Variants in VWA3B observed in about 807,000 individuals in gnomAD.
VWA3B encodes von Willebrand factor A domain containing 3B, also known as von Willebrand factor A domain-containing protein 3B.
Under a neutral mutation model 158.3 loss-of-function variants are expected in VWA3B, and 138 were observed. The ratio of observed to expected loss-of-function variants is 0.87; its 90% CI spans 0.76 to 1.00. The LOEUF (loss-of-function observed/expected upper bound fraction) is 1.00. Ranked by LOEUF, VWA3B falls within the 50% of genes least tolerant of loss-of-function variation. The pLI, the probability that VWA3B is intolerant of heterozygous loss-of-function variation, is 0.00. For synonymous variants in VWA3B, 596 were observed against 587.3 expected (o/e 1.01, Z -0.21); for missense variants, 1,555 against 1,565.1 (o/e 0.99, Z 0.11).
At chr2:98,126,385 G>A (rs1050857586) in intron 5 of VWA3B, among the ~76,000 whole-genome samples, 2 of 152,178 alleles carry the variant, frequency 1.3e-5, no homozygotes, top group Non-Finnish European at 2.9e-5. Flanking sequence ...ACCAACCCTA[G>A]AAAATACTCT....
intron 2 of VWA3B, among the ~76,000 whole-genome samples, chr2:98,096,083 T>C (rs1316678637): frequency 6.6e-6 from 1 of 152,220 alleles, no homozygotes; most frequent in Non-Finnish European, 1.5e-5. Flanking sequence ...TAAGTTTTCC[T>C]CTTTTGTTGT....
rs1331719772 is a variant in VWA3B, at chr2:98,121,589, T to C, written c.702+131T>C. ...CCAGCAGGATCCGACAGAGATCCCA[T>C]TGGGCACTGATGGTGATGGCATAGC... On this transcript the variant is annotated intron_variant, in intron 5 of 27. Transcript: ENST00000477737. The C allele has an allele frequency of 4.1e-6, 5 of 1,229,120 alleles. No individual in the cohort carries two copies. The South Asian group carries it at 5.8e-5, about 14-fold the overall frequency. 76.1% of individuals were successfully genotyped at this position (1,229,120 alleles called of 1,614,324 possible).
chr2:98,136,938 G>A (rs1369469156), intron 7 of VWA3B, among the ~76,000 whole-genome samples: 1 of 152,144 alleles, frequency 6.6e-6, no homozygotes, highest in Non-Finnish European at 1.5e-5. Context: ...TTCACTTAGC[G>A]TAATGTCCTC....
chr2:98,228,551 T>TA (rs1176000305), intron 15 of VWA3B, among the ~76,000 whole-genome samples: 4 of 152,160 alleles, frequency 2.6e-5, no homozygotes. Flanking sequence ...TATTCCCCTT[T>TA]ATGTTCTCCA....
intron 19 of VWA3B, among the ~76,000 whole-genome samples, chr2:98,242,844 G>A (rs547756235): frequency 6.6e-6 from 1 of 151,512 alleles, no homozygotes; most frequent in African/African-American, 2.4e-5. Context: ...TTGGTGCAGA[G>A]AGGCTAGGGG....
intron 2 of VWA3B, among the ~76,000 whole-genome samples, chr2:98,104,663 T>C (rs1559535328): frequency 6.6e-6 from 1 of 152,266 alleles, no homozygotes; most frequent in Non-Finnish European, 1.5e-5. Context: ...ATAATTGATA[T>C]ATTTAAATGT....
intron 10 of VWA3B, among the ~76,000 whole-genome samples, chr2:98,191,496 T>C (rs1253695001): frequency 6.6e-6 from 1 of 152,224 alleles, no homozygotes; most frequent in Non-Finnish European, 1.5e-5. Context: ...ACCAGTTTGA[T>C]CTCTCTAGGA....
rs138831948 is a variant in VWA3B, at chr2:98,232,091, T to C, written c.2308+1884T>C. 1.6e-3 allele frequency among the ~76,000 whole-genome samples: 244 copies of C among 152,360 alleles called. 1 individual carries two copies. Among genetic ancestry groups the C allele is most frequent in the African/African-American group, 5.7e-3 (236 of 41,586 alleles). On this transcript the variant is annotated intron_variant, in intron 16 of 27. Coordinates refer to ENST00000477737, the MANE Select transcript of VWA3B (RefSeq NM_144992.5). ...ATGTAATTCTTCTTTGAATGTTTGG[T>C]AGAGTTATCATGGAGCCATTTCGGC...
At chr2:98,256,083 G>A in intron 20 of VWA3B, 41 bp from the exon 21 acceptor site, 1 of 1,609,716 alleles carries the variant, frequency 6.2e-7, no homozygotes, top group Non-Finnish European at 8.5e-7. Flanking sequence ...ATGAAATGAA[G>A]TACTGCTACA....
chr2:98,319,746 G>A, the VWA3B span, among the ~76,000 whole-genome samples: 8 of 152,100 alleles, frequency 5.3e-5, no homozygotes, highest in South Asian at 1.7e-3. Flanking sequence ...CATGCATGGT[G>A]GTGCATGCCT....
At chr2:98,201,090 T>A (rs1268475773) in intron 12 of VWA3B, among the ~76,000 whole-genome samples, 3 of 152,160 alleles carry the variant, frequency 2.0e-5, no homozygotes, top group African/African-American at 7.2e-5. Context: ...TCCTTCCAAA[T>A]TTTTTTGGCT....
intron 26 of VWA3B, among the ~76,000 whole-genome samples, 161 bp downstream of exon 26, chr2:98,303,963 C>T (rs62155307): frequency 3.9e-5 from 6 of 152,220 alleles, no homozygotes; most frequent in African/African-American, 1.4e-4. Context: ...ATTCCTTCGA[C>T]GTCACACCTT....
intron 2 of VWA3B, among the ~76,000 whole-genome samples, chr2:98,095,637 G>A (rs1160860889): frequency 1.3e-5 from 2 of 152,094 alleles, no homozygotes; most frequent in African/African-American, 4.8e-5. Flanking sequence ...GATTGCCTTG[G>A]CTAGAACTTC....
At chr2:98,307,838 A>G (rs62155316) in intron 26 of VWA3B, among the ~76,000 whole-genome samples, 5,929 of 152,310 alleles carry the variant, frequency 0.039, 168 homozygotes, top group Middle Eastern at 0.075. Context: ...TAAATATTGA[A>G]TTTACTATAA....
intron 12 of VWA3B, among the ~76,000 whole-genome samples, chr2:98,208,458 A>G (rs974232882): frequency 2.0e-5 from 3 of 151,356 alleles, no homozygotes; most frequent in East Asian, 3.9e-4. Flanking sequence ...TTGCCTTCCT[A>G]TGGGTTATTT....
At chr2:98,146,883 G>A (rs952741123) in intron 7 of VWA3B, among the ~76,000 whole-genome samples, 2 of 152,154 alleles carry the variant, frequency 1.3e-5, no homozygotes, top group Non-Finnish European at 2.9e-5. Flanking sequence ...ATGAAGGCGT[G>A]GGCTCTAAGA....
intron 12 of VWA3B, chr2:98,206,677 C>T (rs550626463): frequency 3.2e-5 from 11 of 338,898 alleles, no homozygotes; most frequent in South Asian, 1.2e-4. Flanking sequence ...TGGAAATTAG[C>T]GTTGAGCAAG....
In VWA3B at chr2:98,235,428, CT is replaced by C. The variant is rs769181243; in HGVS notation, c.2428+676del. 3.8e-3 allele frequency among the ~76,000 whole-genome samples: 534 copies of C among 142,230 alleles called. 1 individual carries two copies. The highest frequency in any genetic ancestry group is 0.013 in the East Asian group (62 of 4,948). 93.3% of individuals were successfully genotyped at this position (142,230 alleles called of 152,430 possible). On this transcript the variant is annotated intron_variant, in intron 17 of 27. Coordinates refer to ENST00000477737, the MANE Select transcript of VWA3B (RefSeq NM_144992.5). ...TGATCTGTCTGATATCTTTTCCTCACTTTTTTTTTTTTTTTGAGGTAGAGTC... is the reference window on the plus strand; with the variant it reads ...TGATCTGTCTGATATCTTTTCCTCACTTTTTTTTTTTTTTGAGGTAGAGTC...
At chr2:98,206,700 C>G (rs1438783003) in intron 12 of VWA3B, 2 of 324,402 alleles carry the variant, frequency 6.2e-6, no homozygotes, top group East Asian at 7.3e-5. Flanking sequence ...ATTCTGGTGG[C>G]TAGTATCAAA....
Sources: allele counts gnomAD v4.1 joint callset (sites outside exome capture counted in the v4.1 genomes callset), GRCh38; gene constraint gnomAD v4.1.1; transcripts MANE v1.5; gene names NCBI Gene and HGNC (gene_info 2026-07-23, HGNC 2026-07-21).